The following PTPRG variants were observed in gnomAD, a reference collection of about 807,000 sequenced individuals.
PTPRG encodes protein tyrosine phosphatase receptor type G.
A neutral mutation model predicts 165.3 loss-of-function variants in PTPRG; 102 were observed. That is an observed-to-expected ratio of 0.62 (90% CI 0.53 to 0.73). PTPRG has a LOEUF of 0.73. Ranked by LOEUF, PTPRG falls within the 30% of genes least tolerant of loss-of-function variation. The probability of loss-of-function intolerance (pLI) is 0.00; values close to 1 mark genes in which losing one functional copy is unlikely to be tolerated. For synonymous variants in PTPRG, 675 were observed against 669.5 expected (o/e 1.01, Z -0.13); for missense variants, 1,866 against 1,861.4 (o/e 1.00, Z -0.05).
At chr3:62,018,498 T>C (rs926552693) in intron 4 of PTPRG, among the ~76,000 whole-genome samples, 1 of 152,176 alleles carries the variant, frequency 6.6e-6, no homozygotes, top group Admixed American at 6.5e-5. Context: ...CCACTCTCTT[T>C]CCAGTTGGCC....
chr3:61,894,863 T>C (rs2038309276), intron 2 of PTPRG, among the ~76,000 whole-genome samples: 1 of 152,204 alleles, frequency 6.6e-6, no homozygotes. Flanking sequence ...AATTGTATGT[T>C]AGCGATCCTT....
intron 2 of PTPRG, among the ~76,000 whole-genome samples, chr3:61,792,696 CTTTCTTTCTTT>C (rs2034918148): frequency 1.9e-5 from 1 of 51,748 alleles, no homozygotes; most frequent in African/African-American, 1.2e-4. Context: ...TTCTTTCTTT[CTTTCTTTCTTT>C]CTTTCTTTCT....
chr3:62,076,189 AG>A (rs891455332), intron 4 of PTPRG, among the ~76,000 whole-genome samples: 1 of 152,066 alleles, frequency 6.6e-6, no homozygotes, highest in African/African-American at 2.4e-5. Context: ...TAGGAGGCTG[AG>A]GTGGGAGGAT....
intron 5 of PTPRG, among the ~76,000 whole-genome samples, chr3:62,130,857 C>T (rs1703487807): frequency 6.6e-6 from 1 of 152,132 alleles, no homozygotes. Flanking sequence ...TGAGCTTCTT[C>T]TCAGGCAATT....
At chr3:61,889,568 TA>T (rs2038150725) in intron 2 of PTPRG, among the ~76,000 whole-genome samples, 1 of 152,260 alleles carries the variant, frequency 6.6e-6, no homozygotes, top group South Asian at 2.1e-4. Flanking sequence ...TTAGTATTTT[TA>T]TGTTGCCCAT....
intron 1 of PTPRG, among the ~76,000 whole-genome samples, chr3:61,620,719 C>T (rs1373319630): frequency 6.6e-6 from 1 of 151,974 alleles, no homozygotes; most frequent in African/African-American, 2.4e-5. Flanking sequence ...ACCTCCGCCT[C>T]CCAGGTTCAA....
chr3:61,567,681 AAATT>A (rs1311609268), intron 1 of PTPRG, among the ~76,000 whole-genome samples: 3 of 150,216 alleles, frequency 2.0e-5, no homozygotes, highest in Admixed American at 1.3e-4. Flanking sequence ...AAAAAAAAAA[AAATT>A]AAAAGATCAA....
chr3:61,922,121 G>C (rs2039091311), intron 2 of PTPRG, among the ~76,000 whole-genome samples: 1 of 152,186 alleles, frequency 6.6e-6, no homozygotes, highest in Non-Finnish European at 1.5e-5. Context: ...GTACTTTTAA[G>C]TGAATGTGAT....
intron 2 of PTPRG, among the ~76,000 whole-genome samples, chr3:61,937,167 G>T (rs866189418): frequency 6.6e-6 from 1 of 152,200 alleles, no homozygotes; most frequent in Admixed American, 6.5e-5. Flanking sequence ...TTCCTTGAAA[G>T]ATGCAAACCT....
intron 4 of PTPRG, among the ~76,000 whole-genome samples, chr3:62,060,174 C>T (rs1223997512): frequency 4.0e-5 from 6 of 149,948 alleles, no homozygotes; most frequent in African/African-American, 4.9e-5. Context: ...GTCACACCAC[C>T]GCACTCTAGC....
intron 1 of PTPRG, among the ~76,000 whole-genome samples, chr3:61,732,446 G>A (rs1011195887): frequency 2.0e-5 from 3 of 151,892 alleles, no homozygotes; most frequent in East Asian, 3.9e-4. Flanking sequence ...GCATGGTGGC[G>A]AGCACCTGTA....
At chr3:61,994,376 G>A (rs2040970286) in intron 3 of PTPRG, among the ~76,000 whole-genome samples, 1 of 152,268 alleles carries the variant, frequency 6.6e-6, no homozygotes, top group South Asian at 2.1e-4. Flanking sequence ...AATAGTAAAT[G>A]TGTTTACCAC....
Position 61,749,000 on chromosome 3 carries a change from A to G in PTPRG, c.190+18A>G. 6.3e-7 allele frequency: 1 copy of G among 1,593,616 alleles called. No individual in the cohort carries two copies. Among genetic ancestry groups the G allele is most frequent in the Non-Finnish European group, 8.6e-7 (1 of 1,162,202 alleles). On this transcript the variant is annotated intron_variant, in intron 2 of 29. Transcript: ENST00000474889. ...CTACTCTGGTAAGTCCAGTTGTTCTAATGGAGATCACACAGGCCAGTTAAC... is the reference window on the plus strand; with the variant it reads ...CTACTCTGGTAAGTCCAGTTGTTCTGATGGAGATCACACAGGCCAGTTAAC...
At position 62,255,202 on chromosome 3, in the gene PTPRG, C is replaced by G; in HGVS notation, c.2546C>G (p.Ser849Cys). 1 of 1,611,920 alleles carries G rather than the reference C, an allele frequency of 6.2e-7. No homozygotes were observed. Among genetic ancestry groups the G allele is most frequent in the Non-Finnish European group, 8.5e-7 (1 of 1,178,876 alleles). Residue 849 changes from serine (S) to cysteine (C), a missense_variant, in exon 16 of 30, where the codon TCT becomes TGT. Ser to Cys is a moderately radical substitution (Grantham distance 112). Transcript: ENST00000474889. The surrounding 1 kb of genome is among the most constrained non-coding windows in gnomAD (Gnocchi z 4.0). ...TATTCTAATAACCAGCATGGGTTCTCTGAGGATTTTGAGGTATGTTTCAAG... is the reference window on the plus strand; with the variant it reads ...TATTCTAATAACCAGCATGGGTTCTGTGAGGATTTTGAGGTATGTTTCAAG... ...ELYSNNQHGF[S>C]EDFEEVQRCT...
chr3:61,849,357 T>G (rs1053909114), intron 2 of PTPRG, among the ~76,000 whole-genome samples: 3 of 152,178 alleles, frequency 2.0e-5, no homozygotes, highest in Non-Finnish European at 4.4e-5. Flanking sequence ...CATGGGAAAT[T>G]TCATGAATAA....
Position 61,654,269 on chromosome 3 carries a change from G to A in PTPRG, c.85+91897G>A, listed in dbSNP as rs190500966. On this transcript the variant is annotated intron_variant, in intron 1 of 29. Transcript: ENST00000474889. ...CCCATATGCTAGATAATTGATGTGCGTTCTCAAGTCTTCATAGCACATTTA... is the reference window on the plus strand; with the variant it reads ...CCCATATGCTAGATAATTGATGTGCATTCTCAAGTCTTCATAGCACATTTA... Among the ~76,000 whole-genome samples the A allele has an allele frequency of 5.3e-4, 81 of 152,190 alleles. 1 individual carries two copies. Among genetic ancestry groups the A allele is most frequent in the Admixed American group, 1.2e-3 (18 of 15,280 alleles).
intron 4 of PTPRG, among the ~76,000 whole-genome samples, chr3:62,046,031 C>G (rs184501087): frequency 4.6e-5 from 7 of 152,226 alleles, no homozygotes; most frequent in Middle Eastern, 6.8e-3. Context: ...TTCTCTTCCC[C>G]CTGTGAGGTG....
At chr3:61,661,868 C>G (rs546640952) in intron 1 of PTPRG, among the ~76,000 whole-genome samples, 1 of 152,200 alleles carries the variant, frequency 6.6e-6, no homozygotes, top group Non-Finnish European at 1.5e-5. Flanking sequence ...AACACCACCA[C>G]CACCCAATCC....
chr3:62,164,518 C>T (rs1704893813), intron 7 of PTPRG, among the ~76,000 whole-genome samples: 2 of 152,164 alleles, frequency 1.3e-5, no homozygotes, highest in African/African-American at 4.8e-5. Context: ...AGCTCGTCCT[C>T]CTTTCCCTCT....
Sources: allele counts gnomAD v4.1 joint callset (sites outside exome capture counted in the v4.1 genomes callset), GRCh38; gene constraint gnomAD v4.1.1; non-coding constraint Gnocchi (gnomAD v3.1); transcripts MANE v1.5; gene names NCBI Gene and HGNC (gene_info 2026-07-23, HGNC 2026-07-21).